The following TPD52L1 variants were observed in gnomAD, a reference collection of about 807,000 sequenced individuals.
TPD52L1 encodes tumor protein D53.
Under a neutral mutation model 28.7 loss-of-function variants are expected in TPD52L1, and 18 were observed. That is an observed-to-expected ratio of 0.63 (90% CI 0.43 to 0.93). The LOEUF is 0.93. Ranked by LOEUF, TPD52L1 falls within the 40% of genes least tolerant of loss-of-function variation. The pLI, the probability that TPD52L1 is intolerant of heterozygous loss-of-function variation, is 0.00. For synonymous variants in TPD52L1, 75 were observed against 88.8 expected (o/e 0.84, Z 0.88); for missense variants, 203 against 254.8 (o/e 0.80, Z 1.39).
At chr6:125,196,663 G>A (rs974825170) in intron 1 of TPD52L1, among the ~76,000 whole-genome samples, 1 of 152,158 alleles carries the variant, frequency 6.6e-6, no homozygotes, top group Non-Finnish European at 1.5e-5. Flanking sequence ...AAACTGTGTA[G>A]CAAATTTCCT....
intron 1 of TPD52L1, among the ~76,000 whole-genome samples, chr6:125,162,146 C>A (rs1582830530): frequency 6.6e-6 from 1 of 152,136 alleles, no homozygotes. Flanking sequence ...ACTATTCATA[C>A]AATTTTCAAA....
intron 1 of TPD52L1, among the ~76,000 whole-genome samples, chr6:125,180,128 A>G (rs932326834): frequency 2.6e-5 from 4 of 152,096 alleles, no homozygotes; most frequent in African/African-American, 9.7e-5. Flanking sequence ...ACTCTATCAC[A>G]TGGGTAACTG....
intron 1 of TPD52L1, among the ~76,000 whole-genome samples, chr6:125,172,135 T>C (rs535467218): frequency 1.3e-5 from 1 of 77,994 alleles, no homozygotes; most frequent in African/African-American, 6.6e-5. Flanking sequence ...TTTCTTTCTT[T>C]CTTTCTTTCT....
chr6:125,208,081 A>G (rs1794265669), intron 1 of TPD52L1, among the ~76,000 whole-genome samples: 1 of 152,194 alleles, frequency 6.6e-6, no homozygotes, highest in South Asian at 2.1e-4. Flanking sequence ...ATAGTTTCAG[A>G]GTCAGGGCAG....
intron 1 of TPD52L1, among the ~76,000 whole-genome samples, chr6:125,191,754 C>T (rs1793058903): frequency 6.6e-6 from 1 of 152,168 alleles, no homozygotes; most frequent in African/African-American, 2.4e-5. Context: ...GAATGTCTCC[C>T]TATCCTCAGT....
At chr6:125,248,215 A>G in intron 3 of TPD52L1, 67 bp from the exon 4 acceptor site, 1 of 1,271,758 alleles carries the variant, frequency 7.9e-7, no homozygotes, top group South Asian at 1.3e-5. Context: ...GTAAGGAGTG[A>G]GAAGGAAGAT....
At position 125,208,084 on chromosome 6, in the gene TPD52L1, C is replaced by T. The variant is rs1198852282; in HGVS notation, c.20-11994C>T. Among the ~76,000 whole-genome samples the T allele has an allele frequency of 7.2e-5, 11 of 152,188 alleles. 1 individual carries two copies. Among genetic ancestry groups the T allele is most frequent in the Non-Finnish European group, 1.5e-5 (1 of 68,034 alleles). ...CCCTTTTTCAATATAGTTTCAGAGT[C>T]AGGGCAGTTCCTTTGTCTGAGTTTC... is the stretch of plus-strand genomic sequence containing the variant. On this transcript the variant is annotated intron_variant, in intron 1 of 6. Coordinates refer to ENST00000534000, the MANE Select transcript of TPD52L1 (RefSeq NM_003287.4).
At chr6:125,249,677 G>C (rs1797144432) in intron 4 of TPD52L1, among the ~76,000 whole-genome samples, 1 of 135,734 alleles carries the variant, frequency 7.4e-6, no homozygotes, top group Admixed American at 7.5e-5. Context: ...AGGCAATAGA[G>C]TGAGACTCTG....
chr6:125,219,727 C>A (rs1251127130), intron 1 of TPD52L1: 7 of 335,198 alleles, frequency 2.1e-5, no homozygotes, highest in Non-Finnish European at 2.9e-5. Flanking sequence ...TTAAACCCCT[C>A]TCCATGGGCG....
At chr6:125,257,219 C>A in intron 6 of TPD52L1, 61 bp downstream of exon 6, 1 of 1,468,800 alleles carries the variant, frequency 6.8e-7, no homozygotes. Flanking sequence ...TTAGCCATTG[C>A]TGCGGTTAGT....
intron 1 of TPD52L1, among the ~76,000 whole-genome samples, chr6:125,178,546 G>A (rs1478548236): frequency 2.0e-5 from 3 of 152,092 alleles, no homozygotes; most frequent in Admixed American, 1.3e-4. Context: ...GCTTCAACCC[G>A]GGAAGTGGAG....
intron 3 of TPD52L1, among the ~76,000 whole-genome samples, chr6:125,246,478 C>T (rs1056530311): frequency 3.3e-5 from 5 of 152,144 alleles, no homozygotes; most frequent in African/African-American, 1.2e-4. Context: ...CACATTAGCC[C>T]TGTCTCCTAT....
chr6:125,258,455 C>G (rs958766577), intron 6 of TPD52L1, among the ~76,000 whole-genome samples: 1 of 152,074 alleles, frequency 6.6e-6, no homozygotes, highest in Non-Finnish European at 1.5e-5. Context: ...AAATGAAAGG[C>G]TCAAAAATCC....
intron 1 of TPD52L1, among the ~76,000 whole-genome samples, chr6:125,185,998 A>G (rs1215234172): frequency 6.6e-6 from 1 of 151,164 alleles, no homozygotes; most frequent in East Asian, 2.0e-4. Flanking sequence ...GGTTCAAGCA[A>G]TTCTTCTGCC....
chr6:125,258,096 G>GT (rs1257351657), intron 6 of TPD52L1, among the ~76,000 whole-genome samples: 1 of 152,202 alleles, frequency 6.6e-6, no homozygotes, highest in East Asian at 1.9e-4. Flanking sequence ...ATGTGAGGTT[G>GT]TAAGTTATTC....
chr6:125,225,447 G>A (rs1361545), intron 2 of TPD52L1, among the ~76,000 whole-genome samples: 36,191 of 152,008 alleles, frequency 0.24, 5,272 homozygotes, highest in Admixed American at 0.38. Context: ...CCACAGTGGC[G>A]GAACTATTTT....
intron 2 of TPD52L1, among the ~76,000 whole-genome samples, chr6:125,226,355 T>C (rs1795608130): frequency 6.6e-6 from 1 of 152,184 alleles, no homozygotes; most frequent in Non-Finnish European, 1.5e-5. Flanking sequence ...ATATTTCTTT[T>C]TTTTAAGAAT....
At chr6:125,160,515 G>T (rs1303456526) in intron 1 of TPD52L1, among the ~76,000 whole-genome samples, 1 of 152,026 alleles carries the variant, frequency 6.6e-6, no homozygotes, top group African/African-American at 2.4e-5. Flanking sequence ...ATGAGCCACT[G>T]CATCTGGTTA....
chr6:125,193,112 T>C (rs985560976), intron 1 of TPD52L1, among the ~76,000 whole-genome samples: 2 of 152,202 alleles, frequency 1.3e-5, no homozygotes, highest in African/African-American at 2.4e-5. Flanking sequence ...CTAACTGTGA[T>C]GACTGGGATC....
Sources: allele counts gnomAD v4.1 joint callset (sites outside exome capture counted in the v4.1 genomes callset), GRCh38; gene constraint gnomAD v4.1.1; transcripts MANE v1.5; gene names NCBI Gene and HGNC (gene_info 2026-07-23, HGNC 2026-07-21).